Variants in PRR16 observed in about 807,000 individuals in gnomAD.
PRR16 encodes the protein proline rich 16.
PRR16 carries 6 observed loss-of-function variants against 18.2 expected under a neutral mutation model. The observed-to-expected ratio is 0.33, with a 90% CI of 0.18 to 0.65. The LOEUF is 0.65. PRR16 is among the 30% of genes least tolerant of loss of function. The pLI, the probability that PRR16 is intolerant of heterozygous loss-of-function variation, is 0.74. For synonymous variants in PRR16, 151 were observed against 147.8 expected, an observed-to-expected ratio of 1.02 and a Z score of -0.16; for missense variants, 412 against 376.6, an observed-to-expected ratio of 1.09 and a Z score of -0.78.
chr5:120,497,777 CAT>C (rs1027178176), intron 1 of PRR16, among the ~76,000 whole-genome samples: 34 of 151,592 alleles, frequency 2.2e-4, no homozygotes, highest in Non-Finnish European at 3.8e-4. Context: ...ATAAAAATAA[CAT>C]ATCATATTAT....
intron 1 of PRR16, among the ~76,000 whole-genome samples, chr5:120,655,391 A>AT (rs935177048): frequency 6.6e-6 from 1 of 150,542 alleles, no homozygotes; most frequent in African/African-American, 2.4e-5. Flanking sequence ...TTTTTTTTAA[A>AT]AAAAAAGAGG....
the PRR16 span, among the ~76,000 whole-genome samples, chr5:120,725,432 G>C: frequency 6.6e-6 from 1 of 151,714 alleles, no homozygotes; most frequent in African/African-American, 2.4e-5. Context: ...AAGGCAGGAG[G>C]AACACTTAAG....
At chr5:120,730,591 T>C in the PRR16 span, among the ~76,000 whole-genome samples, 4 of 152,192 alleles carry the variant, frequency 2.6e-5, no homozygotes, top group African/African-American at 9.6e-5. Flanking sequence ...AGAGACCAAA[T>C]TGCTGGATAA....
At chr5:120,558,573 A>C (rs2112713057) in intron 1 of PRR16, among the ~76,000 whole-genome samples, 1 of 152,040 alleles carries the variant, frequency 6.6e-6, no homozygotes, top group Middle Eastern at 3.4e-3. Flanking sequence ...GGTTGCTTCC[A>C]AGTCTTGGCT....
At chr5:120,592,280 A>C (rs960232327) in intron 1 of PRR16, among the ~76,000 whole-genome samples, 1 of 152,200 alleles carries the variant, frequency 6.6e-6, no homozygotes, top group African/African-American at 2.4e-5. Flanking sequence ...AACATGGAAA[A>C]TATACTTGTA....
At chr5:120,526,799 A>G (rs577474200) in intron 1 of PRR16, among the ~76,000 whole-genome samples, 1 of 152,256 alleles carries the variant, frequency 6.6e-6, no homozygotes, top group South Asian at 2.1e-4. Context: ...GGATTTCACC[A>G]TGTTGGCCAG....
At chr5:120,637,724 A>G (rs920152132) in intron 1 of PRR16, among the ~76,000 whole-genome samples, 1 of 152,126 alleles carries the variant, frequency 6.6e-6, no homozygotes, top group African/African-American at 2.4e-5. Context: ...GGGTATGCCA[A>G]AATCTCAGAA....
At chr5:120,737,432 C>G in the PRR16 span, among the ~76,000 whole-genome samples, 1 of 145,528 alleles carries the variant, frequency 6.9e-6, no homozygotes, top group Non-Finnish European at 1.5e-5. Context: ...GGTGCGTTAC[C>G]TTGATTGATT....
intron 1 of PRR16, among the ~76,000 whole-genome samples, chr5:120,637,842 C>T (rs1414231103): frequency 1.3e-5 from 2 of 151,316 alleles, no homozygotes; most frequent in African/African-American, 2.4e-5. Flanking sequence ...ATCTCAACAA[C>T]AAAAAAAAGA....
intron 1 of PRR16, among the ~76,000 whole-genome samples, chr5:120,529,308 T>C (rs1208391259): frequency 6.6e-6 from 1 of 152,194 alleles, no homozygotes; most frequent in Non-Finnish European, 1.5e-5. Flanking sequence ...ATACATAAAA[T>C]TGATGCGGAG....
the PRR16 span, among the ~76,000 whole-genome samples, chr5:120,707,835 C>T: frequency 1.3e-5 from 2 of 152,084 alleles, no homozygotes; most frequent in Non-Finnish European, 1.5e-5. Context: ...AAAAAGTTGC[C>T]AGGGGCTCTT....
At chr5:120,556,100 CT>C (rs889306545) in intron 1 of PRR16, among the ~76,000 whole-genome samples, 12 of 147,632 alleles carry the variant, frequency 8.1e-5, no homozygotes, top group East Asian at 3.9e-4. Context: ...CTCAACTCTC[CT>C]TTTTTTTTTC....
chr5:120,474,666 C>T (rs1305264855), intron 1 of PRR16, among the ~76,000 whole-genome samples: 2 of 151,772 alleles, frequency 1.3e-5, no homozygotes, highest in Non-Finnish European at 2.9e-5. Context: ...ATTCAACCTA[C>T]TTTAAAAATA....
chr5:120,717,309 G>C, the PRR16 span, among the ~76,000 whole-genome samples: 2 of 151,982 alleles, frequency 1.3e-5, no homozygotes, highest in Non-Finnish European at 2.9e-5. Context: ...TTAGCCAGAG[G>C]AAAAAAATAA....
the PRR16 span, among the ~76,000 whole-genome samples, chr5:120,739,033 G>A: frequency 6.6e-6 from 1 of 151,998 alleles, no homozygotes; most frequent in Non-Finnish European, 1.5e-5. Flanking sequence ...ACACTAATAA[G>A]ATATGACTCA....
intron 1 of PRR16, among the ~76,000 whole-genome samples, chr5:120,594,506 A>C (rs1753739116): frequency 6.6e-6 from 1 of 152,192 alleles, no homozygotes; most frequent in East Asian, 1.9e-4. Flanking sequence ...AGGAAGAACA[A>C]ATATTATTCA....
the PRR16 span, among the ~76,000 whole-genome samples, chr5:120,781,913 G>C: frequency 4.6e-5 from 7 of 152,022 alleles, no homozygotes; most frequent in Admixed American, 3.3e-4. Context: ...GGAAAAGGTT[G>C]CAAGAATTGA....
chr5:120,537,122 CTG>C lies in PRR16; in HGVS notation c.159+72479_159+72480del, dbSNP rs146275799. 5.6e-3 allele frequency among the ~76,000 whole-genome samples: 847 copies of C among 152,268 alleles called. 9 individuals carry two copies. Among genetic ancestry groups the C allele is most frequent in the African/African-American group, 0.019 (806 of 41,542 alleles). ...CTTAATACCTGGGTCATGGAATAAT[CTG>C]TACAACAAACCCTCAAGACATGAGT... On this transcript the variant is annotated intron_variant, in intron 1 of 1. Coordinates refer to ENST00000407149, the MANE Select transcript of PRR16 (RefSeq NM_001300783.2).
the PRR16 span, among the ~76,000 whole-genome samples, chr5:120,694,574 C>T: frequency 6.6e-6 from 1 of 151,538 alleles, no homozygotes; most frequent in African/African-American, 2.4e-5. Context: ...GTCCCAGCTA[C>T]TCGGGAGGCT....
Sources: gnomAD v4.1 joint callset for allele counts (sites outside exome capture counted in the v4.1 genomes callset) on GRCh38, gnomAD v4.1.1 for gene constraint, MANE v1.5 for transcripts, NCBI Gene and HGNC (gene_info 2026-07-23, HGNC 2026-07-21) for gene names.